STK40: variants seen among roughly 807,000 people sequenced by gnomAD.
The protein encoded by STK40 is serine/threonine kinase 40.
STK40 carries 13 observed loss-of-function variants against 47.9 expected under a neutral mutation model. That is an observed-to-expected ratio of 0.27 (90% CI 0.18 to 0.43). The LOEUF (loss-of-function observed/expected upper bound fraction) is 0.43, where lower values mean the gene tolerates loss of function less well. Among genes scored for constraint, STK40 ranks in the 20% least tolerant of loss-of-function variants. The pLI, the probability that STK40 is intolerant of heterozygous loss-of-function variation, is 1.00. For missense variants in STK40, 460 were observed against 595.1 expected, an observed-to-expected ratio of 0.77 and a Z score of 2.36; for synonymous variants, 225 against 243.2, an observed-to-expected ratio of 0.93 and a Z score of 0.69.
intron 1 of STK40, among the ~76,000 whole-genome samples, chr1:36,371,238 G>A (rs990052730): frequency 1.3e-5 from 2 of 150,314 alleles, no homozygotes; most frequent in Non-Finnish European, 1.5e-5. Context: ...ATGCTGTGTA[G>A]TTACTATACT....
intron 1 of STK40, among the ~76,000 whole-genome samples, chr1:36,381,277 T>TA (rs1250586044): frequency 6.6e-6 from 1 of 152,144 alleles, no homozygotes; most frequent in Non-Finnish European, 1.5e-5. Context: ...ACCAACAGAA[T>TA]ACAAAATTCA....
Position 36,370,411 on chromosome 1 carries a change from TCTG to T in STK40, c.-8-9074_-8-9072del, listed in dbSNP as rs368478810. Reference sequence around the variant, plus strand: ...TCCAGGTTTGTGGTGTGAAAGTCCTTCTGCTGGTCAGAAAAATTCCAACCACTT... The same window carrying T: ...TCCAGGTTTGTGGTGTGAAAGTCCTTCTGGTCAGAAAAATTCCAACCACTT... On this transcript the variant is annotated intron_variant, in intron 1 of 10. Coordinates refer to ENST00000373132, the MANE Select transcript of STK40 (RefSeq NM_001282547.2). Among the ~76,000 whole-genome samples, 610 of 152,324 alleles carry T rather than the reference TCTG, an allele frequency of 4.0e-3. 3 individuals are homozygous for T. Among genetic ancestry groups the T allele is most frequent in the African/African-American group, 0.014 (577 of 41,582 alleles).
At chr1:36,379,921 A>C (rs930288527) in intron 1 of STK40, among the ~76,000 whole-genome samples, 2 of 152,218 alleles carry the variant, frequency 1.3e-5, no homozygotes, top group African/African-American at 4.8e-5. Context: ...TGTATGAAGA[A>C]AGTCACTTCA....
rs775004601 is a variant in STK40, at chr1:36,376,802, A to AT, written c.-9+8920dup. 6.0e-3 allele frequency among the ~76,000 whole-genome samples: 866 copies of AT among 144,816 alleles called. 2 individuals are homozygous for AT. Among genetic ancestry groups the AT allele is most frequent in the Admixed American group, 0.012 (169 of 14,390 alleles). On this transcript the variant is annotated intron_variant, in intron 1 of 10. Coordinates refer to ENST00000373132, the MANE Select transcript of STK40 (RefSeq NM_001282547.2). Reference sequence around the variant, plus strand: ...TACGCATAGGCAACTTCTAGAAGAAATTTTTTTTTTTTTTTTTGAGATGGA... The same window carrying AT: ...TACGCATAGGCAACTTCTAGAAGAAATTTTTTTTTTTTTTTTTTGAGATGGA...
chr1:36,370,510 A>G (rs1331276312), intron 1 of STK40, among the ~76,000 whole-genome samples: 1 of 152,168 alleles, frequency 6.6e-6, no homozygotes, highest in Non-Finnish European at 1.5e-5. Flanking sequence ...TGAAATGACA[A>G]CACTCTAGGT....
In STK40 at chr1:36,341,893, G is replaced by C. The variant is rs202016833; in HGVS notation, c.1170C>G (p.Ser390Arg). ...RQQLLLAEEK[S>R]SIHDARSWVP... is the part of the protein sequence containing the mutation. ...CCCAGCTCCGGGCGTCATGGATGGA[G>C]CTCTTCTCCTCGGCCAGCAGCAGCT... Residue 390 changes from serine (S) to arginine (R), a missense_variant, in exon 11 of 11, where the codon AGC (serine) becomes AGG (arginine). This residue lies in a region of STK40 where 181 missense variants were observed against 218.9 expected (regional missense o/e 0.83). Transcript: ENST00000373132. The C allele has an allele frequency of 2.5e-6, 4 of 1,613,930 alleles. No homozygotes were observed. The highest frequency in any genetic ancestry group is 1.3e-5 in the African/African-American group (1 of 74,940).
chr1:36,361,406 C>G, intron 1 of STK40, 66 bp from the exon 2 acceptor site: 1 of 1,600,706 alleles, frequency 6.2e-7, no homozygotes, highest in South Asian at 1.1e-5. Flanking sequence ...CTAACCCAGC[C>G]TGCAGGCCTT....
chr1:36,364,988 C>CTTTTTTT (rs747047937), intron 1 of STK40, among the ~76,000 whole-genome samples: 32 of 126,884 alleles, frequency 2.5e-4, no homozygotes, highest in Non-Finnish European at 3.6e-4. Flanking sequence ...GGTCCTTATT[C>CTTTTTTT]TTTTTTTTTT....
intron 1 of STK40, among the ~76,000 whole-genome samples, chr1:36,376,572 C>G (rs1410602388): frequency 1.3e-5 from 2 of 152,126 alleles, no homozygotes; most frequent in African/African-American, 4.8e-5. Context: ...ACACATGCCC[C>G]CAAGGCAGGA....
chr1:36,382,506 T>C (rs1292377669), intron 1 of STK40, among the ~76,000 whole-genome samples: 1 of 152,170 alleles, frequency 6.6e-6, no homozygotes, highest in Non-Finnish European at 1.5e-5. Flanking sequence ...AAGTACTATT[T>C]TTTTCTCAGC....
chr1:36,356,742 G>C (rs1053461361), intron 4 of STK40, among the ~76,000 whole-genome samples: 3 of 152,116 alleles, frequency 2.0e-5, no homozygotes, highest in Non-Finnish European at 4.4e-5. Flanking sequence ...TTCTTCTTAA[G>C]AGCAGGACCA....
chr1:36,344,480 C>A (rs1224662205), intron 7 of STK40, among the ~76,000 whole-genome samples: 1 of 152,242 alleles, frequency 6.6e-6, no homozygotes, highest in Non-Finnish European at 1.5e-5. Flanking sequence ...GCTCACAGCA[C>A]CTGCCCCGCC....
chr1:36,348,652 C>T (rs1646724766), intron 7 of STK40, 48 bp downstream of exon 7: 1 of 1,537,886 alleles, frequency 6.5e-7, no homozygotes, highest in Admixed American at 1.9e-5. Flanking sequence ...TGTCACAGAG[C>T]CTGGCTGTAT....
At chr1:36,383,240 G>T (rs989740722) in intron 1 of STK40, among the ~76,000 whole-genome samples, 1 of 152,166 alleles carries the variant, frequency 6.6e-6, no homozygotes, top group Non-Finnish European at 1.5e-5. Flanking sequence ...CATCATACCC[G>T]GCCTCAAATA....
rs1431808028 is a variant in STK40, at chr1:36,365,180, G to A, written c.-8-3840C>T. Among the ~76,000 whole-genome samples the A allele has an allele frequency of 3.3e-5, 5 of 152,172 alleles. No homozygotes were observed. The South Asian group carries it at 6.2e-4, about 19-fold the overall frequency. ...TAATTTTGTATTTTTAGTAGAGATG[G>A]GGTTCTTCCATGTTGGTCAGGCTGG... On this transcript the variant is annotated intron_variant, in intron 1 of 10. Transcript: ENST00000373132.
At chr1:36,343,549 G>T in intron 9 of STK40, 101 bp from the exon 10 acceptor site, 2 of 1,152,854 alleles carry the variant, frequency 1.7e-6, no homozygotes, top group Non-Finnish European at 2.5e-6. Context: ...TTCCTGCCAT[G>T]AGAGACTGCT....
Position 36,361,282 on chromosome 1 carries a change from G to A in STK40, c.51C>T (p.Ala17=). 1.2e-6 allele frequency: 2 copies of A among 1,614,200 alleles called. No individual in the cohort carries two copies. The highest frequency in any genetic ancestry group is 1.1e-5 in the South Asian group (1 of 91,086). ...CAGAAATCCCACTTCCTAGAGCCTT[G>A]GCCCTGGCCGACGTTTCCCCAGCTC... The part of the protein sequence containing the change: ...DRGAGETSAR[A]KALGSGISGN... Residue 17 remains alanine, a synonymous_variant, in exon 2 of 11, where the codon GCC becomes GCT. Transcript: ENST00000373132.
intron 1 of STK40, among the ~76,000 whole-genome samples, chr1:36,381,773 G>A (rs1371385535): frequency 6.6e-6 from 1 of 152,110 alleles, no homozygotes; most frequent in African/African-American, 2.4e-5. Context: ...ACAGGTGTGA[G>A]CTGCTGTGCC....
In STK40 at chr1:36,339,972, C is replaced by T. The variant is rs780775262; in HGVS notation, c.*1783G>A. The T allele has an allele frequency of 1.3e-5, 2 of 152,296 alleles. No individual in the cohort carries two copies. The highest frequency in any genetic ancestry group is 2.9e-5 in the Non-Finnish European group (2 of 68,060). 9.4% of individuals were successfully genotyped at this position (152,296 alleles called of 1,614,324 possible). On this transcript the variant is annotated 3_prime_UTR_variant, in exon 11 of 11. Transcript: ENST00000373132. ...GGGCTCCGCTGCGACGGGCCCTGGC[C>T]CAGCTTCAGGCCCTCACAGGAGGAC...
Sources: allele counts gnomAD v4.1 joint callset (sites outside exome capture counted in the v4.1 genomes callset), GRCh38; gene constraint gnomAD v4.1.1; regional missense constraint gnomAD v4.1.1; transcripts MANE v1.5; gene names NCBI Gene and HGNC (gene_info 2026-07-23, HGNC 2026-07-21).